The following MLXIPL variants were observed in gnomAD, a reference collection of about 807,000 sequenced individuals.
MLXIPL encodes carbohydrate-responsive element-binding protein.
Under a neutral mutation model 81.5 loss-of-function variants are expected in MLXIPL, and 49 were observed. The observed-to-expected ratio is 0.60, with a 90% CI of 0.48 to 0.76. The LOEUF (loss-of-function observed/expected upper bound fraction) is 0.76, where lower values mean the gene tolerates loss of function less well. Among genes scored for constraint, MLXIPL ranks in the 30% least tolerant of loss-of-function variants. The pLI is 0.00. For synonymous variants in MLXIPL, 466 were observed against 485.5 expected (o/e 0.96, Z 0.53); for missense variants, 1,053 against 1,167.0 (o/e 0.90, Z 1.42).
chr7:73,602,086 GCCTGCCTGCCTT>G (rs879958866), intron 7 of MLXIPL, among the ~76,000 whole-genome samples: 5,084 of 141,926 alleles, frequency 0.036, 116 homozygotes, highest in Middle Eastern at 0.047. Flanking sequence ...CTGCCTGCCT[GCCTGCCTGCCTT>G]CCTGCCTGCC....
At chr7:73,646,956 G>A in the MLXIPL span, among the ~76,000 whole-genome samples, 2 of 152,124 alleles carry the variant, frequency 1.3e-5, no homozygotes, top group Non-Finnish European at 1.5e-5. Flanking sequence ...GGGCCACACT[G>A]TCCCCCAAAG....
rs781945603 is a variant in MLXIPL, at chr7:73,596,157, A to G, written c.2054T>C (p.Leu685Pro). ...CAGCCTGGGCCCGGGGCTCACCTTG[A>G]GGCTGGGCTGGGCACTGAGTGTGCT... ...LVSTLSAQPS[L>P]KVSKATTLQK... is the part of the protein sequence containing the mutation. Residue 685 changes from leucine (L) to proline (P), a missense_variant, in exon 13 of 17, where the codon CTC (leucine) becomes CCC (proline). Physicochemically the swap from Leu to Pro is moderately conservative, Grantham distance 98 (BLOSUM62 -3). Around this residue, in one of 3 missense-constraint regions of MLXIPL, gnomAD observed 823 missense variants for 933.0 expected, o/e 0.88. Coordinates refer to ENST00000313375, the MANE Select transcript of MLXIPL (RefSeq NM_032951.3). This position sits in a 1 kb window ranked among gnomAD's most constrained non-coding sequence, Gnocchi z 4.7. The G allele has an allele frequency of 1.2e-6, 2 of 1,612,396 alleles. No homozygotes were observed. The highest frequency in any genetic ancestry group is 1.7e-5 in the Admixed American group (1 of 59,988).
At chr7:73,606,871 C>T in intron 5 of MLXIPL, 103 bp downstream of exon 5, 1 of 1,279,808 alleles carries the variant, frequency 7.8e-7, no homozygotes, top group South Asian at 1.3e-5. Flanking sequence ...CCCTCATGCC[C>T]AGCCACTGTC....
At chr7:73,624,097 G>T in intron 1 of MLXIPL, 103 bp downstream of exon 1, 1 of 1,407,646 alleles carries the variant, frequency 7.1e-7, no homozygotes, top group Non-Finnish European at 9.4e-7. Context: ...GCAGGACCGG[G>T]CTCGGGTGGG....
At chr7:73,607,126 A>G (rs55673514) in intron 4 of MLXIPL, 108 bp from the exon 5 acceptor site, 41,357 of 1,453,882 alleles carry the variant, frequency 0.028, 735 homozygotes, top group Non-Finnish European at 0.035. Context: ...ATTTCCCATC[A>G]GGAGCTCACC....
At chr7:73,627,678 A>T (rs150729128), upstream of MLXIPL, among the ~76,000 whole-genome samples, 5 of 152,148 alleles carry the variant, frequency 3.3e-5, no homozygotes, top group African/African-American at 1.2e-4. Context: ...ACTGTGTCCT[A>T]GCATCTCTGA....
rs782795706 is a variant in MLXIPL at position 73,596,972 on chromosome 7, C to T, written c.1604-40G>A. 3.1e-6 allele frequency: 5 copies of T among 1,587,688 alleles called. No homozygotes were observed. Among genetic ancestry groups the T allele is most frequent in the African/African-American group, 1.3e-5 (1 of 74,642 alleles). On this transcript the variant is annotated intron_variant, in intron 9 of 16. Transcript: ENST00000313375. This position sits in a 1 kb window ranked among gnomAD's most constrained non-coding sequence, Gnocchi z 4.7. Reference sequence around the variant, plus strand: ...AACCGTGAGGCTACTGGGGCTGGCCCACCCCCGGCATCTATCAAGACCCCA... The same window carrying T: ...AACCGTGAGGCTACTGGGGCTGGCCTACCCCCGGCATCTATCAAGACCCCA...
rs1554593657 is a variant in MLXIPL, at chr7:73,596,108, G to A, written c.2058+45C>T. 6.2e-7 allele frequency: 1 copy of A among 1,605,484 alleles called. No individual in the cohort carries two copies. Among genetic ancestry groups the A allele is most frequent in the African/African-American group, 1.3e-5 (1 of 74,884 alleles). On this transcript the variant is annotated intron_variant, in intron 13 of 16. Coordinates refer to ENST00000313375, the MANE Select transcript of MLXIPL (RefSeq NM_032951.3). The surrounding 1 kb of genome is among the most constrained non-coding windows in gnomAD (Gnocchi z 4.7). ...GTTTTGGGTGGGGGGGGTCCAGAAA[G>A]GGGCCCTGTGGTTTTGGGGGTGCCA...
At chr7:73,636,523 T>A in the MLXIPL span, among the ~76,000 whole-genome samples, 1 of 150,182 alleles carries the variant, frequency 6.7e-6, no homozygotes, top group Non-Finnish European at 1.5e-5. Flanking sequence ...GAGTAATGAG[T>A]CATTCAACTG....
chr7:73,604,215 C>CAAAAA (rs55693159), intron 7 of MLXIPL, among the ~76,000 whole-genome samples: 1 of 50,000 alleles, frequency 2.0e-5, no homozygotes, highest in African/African-American at 8.7e-5. Flanking sequence ...GACTCCGTCT[C>CAAAAA]AAAAAAAAAA....
At position 73,595,983 on chromosome 7, in the gene MLXIPL, CA is replaced by C. The variant is rs781829358; in HGVS notation, c.2059-15del. On this transcript the variant is annotated splice_polypyrimidine_tract_variant and intron_variant, in intron 13 of 16. Transcript: ENST00000313375. ...AGCTTTGCTCACCTGCAGACGCCAC[CA>C]GGGGGGCTCAGGCAGGTGCTAGAGG... is the stretch of plus-strand genomic sequence containing the variant. 7.4e-6 allele frequency: 12 copies of C among 1,611,882 alleles called. No homozygotes were observed. The highest frequency in any genetic ancestry group is 2.7e-5 in the African/African-American group (2 of 75,028).
upstream of MLXIPL, chr7:73,624,554 C>T: frequency 6.8e-7 from 1 of 1,463,380 alleles, no homozygotes; most frequent in Admixed American, 2.6e-5. Context: ...AGCTCTTGGC[C>T]AGCCGGGCCT....
the MLXIPL span, among the ~76,000 whole-genome samples, chr7:73,630,822 T>G: frequency 6.6e-6 from 1 of 152,114 alleles, no homozygotes; most frequent in African/African-American, 2.4e-5. Context: ...GGAAAGGTAT[T>G]TGGCAGCATC....
intron 8 of MLXIPL, among the ~76,000 whole-genome samples, chr7:73,598,956 T>A (rs1358654455): frequency 6.7e-6 from 1 of 150,198 alleles, no homozygotes; most frequent in Non-Finnish European, 1.5e-5. Flanking sequence ...CTGTCTCTAC[T>A]AAAAATACAA....
At chr7:73,641,119 T>C in the MLXIPL span, among the ~76,000 whole-genome samples, 4 of 152,088 alleles carry the variant, frequency 2.6e-5, no homozygotes, top group Non-Finnish European at 2.9e-5. Context: ...CTGGGTGACA[T>C]GGCAAAATCC....
In MLXIPL at chr7:73,607,349, G is replaced by A; in HGVS notation, c.555C>T (p.Arg185=). ...CACTGACCCGCTTCTTGTAGTAGATGCGCCACTTGTGGTATTCCCGCATCA... is the reference window on the plus strand; with the variant it reads ...CACTGACCCGCTTCTTGTAGTAGATACGCCACTTGTGGTATTCCCGCATCA... The part of the protein sequence containing the change: ...EVVMREYHKW[R]IYYKKRLRKP... Residue 185 remains arginine (R), a synonymous_variant, in exon 4 of 17, where the codon CGC becomes CGT. Coordinates refer to ENST00000313375, the MANE Select transcript of MLXIPL (RefSeq NM_032951.3). 6.4e-7 allele frequency: 1 copy of A among 1,566,570 alleles called. No individual in the cohort carries two copies. The highest frequency in any genetic ancestry group is 8.7e-7 in the Non-Finnish European group (1 of 1,155,216).
upstream of MLXIPL, among the ~76,000 whole-genome samples, chr7:73,625,249 T>G (rs189532087): frequency 2.6e-4 from 39 of 152,194 alleles, no homozygotes; most frequent in South Asian, 4.4e-3. Context: ...GTTTGTTCTT[T>G]CAGGGGCACC....
chr7:73,594,265 C>T lies in MLXIPL; in HGVS notation c.2440+9G>A. The T allele has an allele frequency of 1.9e-6, 3 of 1,611,718 alleles. No individual in the cohort carries two copies. The highest frequency in any genetic ancestry group is 1.6e-4 in the Middle Eastern group (1 of 6,062). The stretch of plus-strand genomic sequence containing the variant: ...GTCCCTCTAGCAGGCAGGGAGATGG[C>T]TCACGTACTTGGCCGGAGAGCGGGC... On this transcript the variant is annotated intron_variant, in intron 16 of 16. Transcript: ENST00000313375.
At chr7:73,611,776 A>G (rs1180657796) in intron 2 of MLXIPL, among the ~76,000 whole-genome samples, 3 of 151,790 alleles carry the variant, frequency 2.0e-5, no homozygotes, top group African/African-American at 7.3e-5. Context: ...AGATTACACC[A>G]CTGCACCCCA....
Sources: allele counts gnomAD v4.1 joint callset (sites outside exome capture counted in the v4.1 genomes callset), GRCh38; gene constraint gnomAD v4.1.1; regional missense constraint gnomAD v4.1.1; non-coding constraint Gnocchi (gnomAD v3.1); transcripts MANE v1.5; gene names NCBI Gene and HGNC (gene_info 2026-07-23, HGNC 2026-07-21).